FBXO36: variants seen among roughly 807,000 people sequenced by gnomAD.
The protein encoded by FBXO36 is F-box protein 36, also known as F-box only protein 36.
In FBXO36, 18 loss-of-function variants were observed where a neutral mutation model predicts 17.0. That is an observed-to-expected ratio of 1.06 (90% CI 0.73 to 1.57). The LOEUF (loss-of-function observed/expected upper bound fraction) is 1.57, where lower values mean the gene tolerates loss of function less well. Ranked by LOEUF, FBXO36 falls within the 40% of genes most tolerant of loss-of-function variation. The pLI is 0.00. For synonymous variants in FBXO36, 83 were observed against 85.3 expected, an observed-to-expected ratio of 0.97 and a Z score of 0.15; for missense variants, 229 against 221.9, an observed-to-expected ratio of 1.03 and a Z score of -0.20.
At chr2:229,994,358 A>G in intron 2 of FBXO36, among the ~76,000 whole-genome samples, 1 of 152,184 alleles carries the variant, frequency 6.6e-6, no homozygotes, top group East Asian at 1.9e-4. Context: ...TTCAGAAGCA[A>G]CTTAAATCCT....
At chr2:229,952,922 G>A (rs1384799994) in intron 1 of FBXO36, among the ~76,000 whole-genome samples, 2 of 152,350 alleles carry the variant, frequency 1.3e-5, no homozygotes, top group East Asian at 3.9e-4. Context: ...CAACAGAGAG[G>A]TGAGGGAGGT....
rs934937128 is a variant in FBXO36 at position 229,975,042 on chromosome 2, T to C, written c.97-1199T>C. ...CCATTACAGGTTTAAAAACATAATATAAGATATGTTTCAAGGGGCTTCTCA... is the reference window on the plus strand; with the variant it reads ...CCATTACAGGTTTAAAAACATAATACAAGATATGTTTCAAGGGGCTTCTCA... On this transcript the variant is annotated intron_variant, in intron 1 of 3. Transcript: ENST00000283946. Among the ~76,000 whole-genome samples, 6 of 152,130 alleles carry C rather than the reference T, an allele frequency of 3.9e-5. 1 individual carries two copies. The highest frequency in any genetic ancestry group is 1.4e-4 in the African/African-American group (6 of 41,426).
At chr2:229,940,463 G>A (rs1268865773) in intron 1 of FBXO36, among the ~76,000 whole-genome samples, 4 of 152,186 alleles carry the variant, frequency 2.6e-5, no homozygotes, top group Non-Finnish European at 5.9e-5. Flanking sequence ...GCTGTAGGCT[G>A]TATAACCCGT....
chr2:229,992,164 CTT>C, intron 2 of FBXO36, among the ~76,000 whole-genome samples: 1 of 145,588 alleles, frequency 6.9e-6, no homozygotes, highest in Admixed American at 6.9e-5. Flanking sequence ...CTCATTTAAT[CTT>C]TTTTTTTTTT....
chr2:229,934,874 T>G (rs1002398443), intron 1 of FBXO36, among the ~76,000 whole-genome samples: 1 of 152,136 alleles, frequency 6.6e-6, no homozygotes, highest in Non-Finnish European at 1.5e-5. Context: ...AGGCTGGTCT[T>G]GAACTCCTGA....
intron 1 of FBXO36, among the ~76,000 whole-genome samples, chr2:229,924,023 C>T (rs1369865929): frequency 1.3e-5 from 2 of 151,208 alleles, no homozygotes; most frequent in Non-Finnish European, 2.9e-5. Flanking sequence ...GGATTACAGG[C>T]GTGAGCCACC....
intron 3 of FBXO36, among the ~76,000 whole-genome samples, chr2:230,007,512 G>A (rs1239418101): frequency 6.6e-6 from 1 of 152,200 alleles, no homozygotes; most frequent in African/African-American, 2.4e-5. Flanking sequence ...TGAGCATCTG[G>A]CTTGGTAGAT....
At chr2:229,939,532 G>C (rs1043650363) in intron 1 of FBXO36, among the ~76,000 whole-genome samples, 2 of 151,966 alleles carry the variant, frequency 1.3e-5, no homozygotes, top group Non-Finnish European at 2.9e-5. Context: ...AATCGCTTGA[G>C]CCCGGGAAGT....
rs4588180 is a variant in FBXO36 at position 229,968,997 on chromosome 2, C to T, written c.97-7244C>T. ...CCATGTTGGCCAGGCTGGTCTCAAA[C>T]TCCAGACCTCAAGTGGGATCCAGCC... On this transcript the variant is annotated intron_variant, in intron 1 of 3. Coordinates refer to ENST00000283946, the MANE Select transcript of FBXO36 (RefSeq NM_174899.5). 3.6e-3 allele frequency among the ~76,000 whole-genome samples: 550 copies of T among 152,048 alleles called. 10 individuals are homozygous for T. Among genetic ancestry groups the T allele is most frequent in the Admixed American group, 0.031 (476 of 15,242 alleles).
chr2:229,924,732 C>T (rs184863749), intron 1 of FBXO36, among the ~76,000 whole-genome samples: 122 of 150,850 alleles, frequency 8.1e-4, no homozygotes, highest in African/African-American at 2.9e-3. Flanking sequence ...ACTTTGCTCT[C>T]AAGTCTAACT....
At chr2:229,982,323 G>A (rs1480930269) in intron 2 of FBXO36, among the ~76,000 whole-genome samples, 2 of 152,096 alleles carry the variant, frequency 1.3e-5, no homozygotes, top group African/African-American at 4.8e-5. Context: ...ACTGTGCCCA[G>A]CCTCCTTCCT....
intron 3 of FBXO36, among the ~76,000 whole-genome samples, chr2:230,003,683 C>T (rs1255749473): frequency 2.0e-5 from 3 of 152,172 alleles, no homozygotes; most frequent in Admixed American, 2.0e-4. Flanking sequence ...CAAGCATGTG[C>T]CACCACACCC....
At chr2:229,965,130 CCTTT>C (rs891624357) in intron 1 of FBXO36, among the ~76,000 whole-genome samples, 7 of 146,806 alleles carry the variant, frequency 4.8e-5, no homozygotes. Flanking sequence ...ATACGCAGAC[CCTTT>C]CTTTCTTCCT....
At chr2:229,955,040 C>T (rs1355239240) in intron 1 of FBXO36, among the ~76,000 whole-genome samples, 7 of 151,786 alleles carry the variant, frequency 4.6e-5, no homozygotes, top group East Asian at 1.9e-4. Context: ...TTAGTAGAGA[C>T]GGGGTTTCAC....
At chr2:229,995,714 TC>T (rs2077323514) in intron 2 of FBXO36, among the ~76,000 whole-genome samples, 1 of 149,710 alleles carries the variant, frequency 6.7e-6, no homozygotes, top group South Asian at 2.2e-4. Flanking sequence ...TGCCTCAGCC[TC>T]CCGAGTAGCT....
At chr2:229,962,976 T>C (rs930911325) in intron 1 of FBXO36, among the ~76,000 whole-genome samples, 4 of 150,518 alleles carry the variant, frequency 2.7e-5, no homozygotes, top group Non-Finnish European at 4.4e-5. Context: ...CACGCCCAGC[T>C]TCATCATTCT....
At chr2:230,008,147 G>A (rs966258304) in intron 3 of FBXO36, among the ~76,000 whole-genome samples, 11 of 152,136 alleles carry the variant, frequency 7.2e-5, no homozygotes, top group Non-Finnish European at 1.3e-4. Flanking sequence ...AGGCAGTGTG[G>A]TGTGTTTAAA....
chr2:229,943,774 A>G (rs2077012389), intron 1 of FBXO36, among the ~76,000 whole-genome samples: 1 of 152,184 alleles, frequency 6.6e-6, no homozygotes, highest in South Asian at 2.1e-4. Flanking sequence ...CCCATGCCTA[A>G]GACAGAGTAG....
In FBXO36 at chr2:230,010,772, T is replaced by C. The variant is rs148144704; in HGVS notation, c.455T>C (p.Leu152Pro). 77 of 1,613,888 alleles carry C rather than the reference T, an allele frequency of 4.8e-5. No individual in the cohort carries two copies. Among genetic ancestry groups the C allele is most frequent in the Non-Finnish European group, 6.5e-5 (77 of 1,179,870 alleles). Reference protein sequence around the residue: ...CDTITPDVRALAEDTGWRQLF... With the variant: ...CDTITPDVRAPAEDTGWRQLF... ...ACCATCACTCCTGACGTGAGGGCCC[T>C]GGCGGAGGACACAGGCTGGAGACAG... The change falls in exon 4 of 4, where the codon CTG becomes CCG. Residue 152 changes from leucine to proline, a missense_variant. Coordinates refer to ENST00000283946, the MANE Select transcript of FBXO36 (RefSeq NM_174899.5).
Sources: allele counts gnomAD v4.1 joint callset (sites outside exome capture counted in the v4.1 genomes callset), GRCh38; gene constraint gnomAD v4.1.1; transcripts MANE v1.5; gene names NCBI Gene and HGNC (gene_info 2026-07-23, HGNC 2026-07-21).